Variants in ARHGAP26 observed in about 807,000 individuals in gnomAD.
ARHGAP26 encodes the protein Rho GTPase activating protein 26.
A neutral mutation model predicts 104.8 loss-of-function variants in ARHGAP26; 38 were observed. That is an observed-to-expected ratio of 0.36 (90% CI 0.28 to 0.48). The LOEUF is 0.48. Among genes scored for constraint, ARHGAP26 ranks in the 20% least tolerant of loss-of-function variants. The pLI is 0.99. For synonymous variants in ARHGAP26, 341 were observed against 340.0 expected, an observed-to-expected ratio of 1.00 and a Z score of -0.03; for missense variants, 704 against 947.9, an observed-to-expected ratio of 0.74 and a Z score of 3.38.
At position 143,224,070 on chromosome 5, in the gene ARHGAP26, G is replaced by T. The variant is rs1811468446; in HGVS notation, c.*1624G>T. On this transcript the variant is annotated 3_prime_UTR_variant, in exon 23 of 23. Coordinates refer to ENST00000645722, the MANE Select transcript of ARHGAP26 (RefSeq NM_001135608.3). ...TGTTAGGGAACTTTAAAGAAGAAAAGAAAAACTTGAATTGTGTTGAATTAC... is the reference window on the plus strand; with the variant it reads ...TGTTAGGGAACTTTAAAGAAGAAAATAAAAACTTGAATTGTGTTGAATTAC... 4.4e-6 allele frequency: 1 copy of T among 228,928 alleles called. No individual in the cohort carries two copies. The highest frequency in any genetic ancestry group is 1.8e-4 in the South Asian group (1 of 5,474). The allele number at this position is 228,928 out of a possible 1,614,324, so 14.2% of individuals were successfully genotyped here.
At chr5:143,004,240 A>G (rs1317251304) in intron 11 of ARHGAP26, among the ~76,000 whole-genome samples, 1 of 152,144 alleles carries the variant, frequency 6.6e-6, no homozygotes, top group Non-Finnish European at 1.5e-5. Context: ...CTACCTATTA[A>G]GTTAGGTTAC....
intron 1 of ARHGAP26, among the ~76,000 whole-genome samples, chr5:142,822,045 T>C (rs565314220): frequency 6.6e-6 from 1 of 152,326 alleles, no homozygotes; most frequent in African/African-American, 2.4e-5. Flanking sequence ...CATAAAGCTG[T>C]TCTTCTAAGA....
At chr5:142,774,791 A>G (rs562668995) in intron 1 of ARHGAP26, among the ~76,000 whole-genome samples, 2 of 152,160 alleles carry the variant, frequency 1.3e-5, no homozygotes, top group South Asian at 4.2e-4. Flanking sequence ...CTGTCTCTCT[A>G]GTTTTACCTT....
At chr5:143,035,854 T>A (rs906144206) in intron 12 of ARHGAP26, among the ~76,000 whole-genome samples, 1 of 150,244 alleles carries the variant, frequency 6.7e-6, no homozygotes, top group Non-Finnish European at 1.5e-5. Flanking sequence ...GAGACTCGCT[T>A]GAACCCAGGA....
At chr5:142,961,978 C>A (rs1255366695) in intron 11 of ARHGAP26, among the ~76,000 whole-genome samples, 1 of 152,126 alleles carries the variant, frequency 6.6e-6, no homozygotes, top group Non-Finnish European at 1.5e-5. Flanking sequence ...AATGGTGTTC[C>A]TAACCCTCAG....
At chr5:142,973,425 C>T (rs1163582845) in intron 11 of ARHGAP26, among the ~76,000 whole-genome samples, 1 of 152,178 alleles carries the variant, frequency 6.6e-6, no homozygotes, top group Admixed American at 6.5e-5. Flanking sequence ...TTTATGAAGT[C>T]TGTGCACATG....
intron 1 of ARHGAP26, among the ~76,000 whole-genome samples, chr5:142,782,006 C>A (rs13436659): frequency 6.6e-5 from 10 of 152,166 alleles, no homozygotes; most frequent in Non-Finnish European, 1.5e-4. Context: ...TGAGCCACTG[C>A]GCCTGGCCGA....
At chr5:142,970,076 T>G (rs1772020989) in intron 11 of ARHGAP26, among the ~76,000 whole-genome samples, 1 of 152,190 alleles carries the variant, frequency 6.6e-6, no homozygotes, top group African/African-American at 2.4e-5. Flanking sequence ...TAGATACTGT[T>G]AGTCATGTTA....
At chr5:142,951,726 C>T (rs765403424) in intron 11 of ARHGAP26, among the ~76,000 whole-genome samples, 2 of 152,192 alleles carry the variant, frequency 1.3e-5, no homozygotes, top group Non-Finnish European at 2.9e-5. Flanking sequence ...TAGGGAGTCC[C>T]CAGGCTGCTG....
At chr5:142,994,072 C>T (rs1776034558) in intron 11 of ARHGAP26, among the ~76,000 whole-genome samples, 1 of 152,158 alleles carries the variant, frequency 6.6e-6, no homozygotes, top group South Asian at 2.1e-4. Context: ...TGTGCAAGGC[C>T]CTCTGGTCTA....
At chr5:143,022,273 A>G (rs4912890) in intron 12 of ARHGAP26, among the ~76,000 whole-genome samples, 124,407 of 151,892 alleles carry the variant, frequency 0.82, 51,596 homozygotes, top group African/African-American at 0.93. Context: ...GGGTTTCACC[A>G]TGTTGGCCAG....
chr5:143,054,506 T>G lies in ARHGAP26; in HGVS notation c.1353T>G (p.Ser451Arg). ...AATGGGAGATAAAGACCATCACTAG[T>G]GCTCTGAAGACCTACCTAAGGTAGG... ...CAEWEIKTIT[S>R]ALKTYLRMLP... The change falls in exon 15 of 23, where the codon AGT becomes AGG. Residue 451 changes from serine (S) to arginine (R), a missense_variant. Around this residue, in one of 6 missense-constraint regions of ARHGAP26, gnomAD observed 287 missense variants for 438.8 expected, o/e 0.65. Coordinates refer to ENST00000645722, the MANE Select transcript of ARHGAP26 (RefSeq NM_001135608.3). 1.2e-6 allele frequency: 2 copies of G among 1,613,004 alleles called. No individual in the cohort carries two copies. The highest frequency in any genetic ancestry group is 1.7e-6 in the Non-Finnish European group (2 of 1,179,352).
At chr5:142,963,192 A>ATGTGTG (rs1226879690) in intron 11 of ARHGAP26, among the ~76,000 whole-genome samples, 11 of 104,390 alleles carry the variant, frequency 1.1e-4, no homozygotes, top group East Asian at 1.1e-3. Flanking sequence ...ATATATATAT[A>ATGTGTG]TATATATGTG....
chr5:143,203,938 G>A (rs1808173029), intron 20 of ARHGAP26, among the ~76,000 whole-genome samples: 2 of 152,042 alleles, frequency 1.3e-5, no homozygotes, highest in Non-Finnish European at 2.9e-5. Flanking sequence ...GGCTAGGGGA[G>A]GGATAGCATT....
At chr5:143,163,210 G>T (rs538050189) in intron 20 of ARHGAP26, among the ~76,000 whole-genome samples, 3 of 152,298 alleles carry the variant, frequency 2.0e-5, no homozygotes, top group African/African-American at 7.2e-5. Context: ...TCAGATCTAC[G>T]TATGTGGGGG....
At chr5:142,935,926 T>G (rs830302) in intron 11 of ARHGAP26, among the ~76,000 whole-genome samples, 1 of 151,902 alleles carries the variant, frequency 6.6e-6, no homozygotes, top group South Asian at 2.1e-4. Flanking sequence ...ATGCTTTCCC[T>G]CTAAGACTAG....
At chr5:142,809,902 C>T (rs1351124981) in intron 1 of ARHGAP26, among the ~76,000 whole-genome samples, 3 of 152,254 alleles carry the variant, frequency 2.0e-5, no homozygotes, top group Non-Finnish European at 4.4e-5. Context: ...TAAGGCCCTT[C>T]TCTCATGGAT....
At chr5:142,829,613 C>T (rs1261353179) in intron 1 of ARHGAP26, among the ~76,000 whole-genome samples, 4 of 152,272 alleles carry the variant, frequency 2.6e-5, no homozygotes, top group African/African-American at 9.6e-5. Flanking sequence ...GGCCTGCTTG[C>T]CGCACTGGAT....
intron 1 of ARHGAP26, among the ~76,000 whole-genome samples, chr5:142,857,279 A>G (rs1003324546): frequency 2.6e-5 from 4 of 152,202 alleles, no homozygotes; most frequent in Admixed American, 6.5e-5. Context: ...TGAGGGTACT[A>G]TCCACTACAG....
Sources: gnomAD v4.1 joint callset for allele counts (sites outside exome capture counted in the v4.1 genomes callset) on GRCh38, gnomAD v4.1.1 for gene constraint, gnomAD v4.1.1 regional missense constraint, MANE v1.5 for transcripts, NCBI Gene and HGNC (gene_info 2026-07-23, HGNC 2026-07-21) for gene names.